Variants in NHSL1 observed in about 807,000 individuals in gnomAD.
NHSL1 encodes the protein NHS-like protein 1.
NHSL1 carries 48 observed loss-of-function variants against 95.0 expected under a neutral mutation model. The observed-to-expected ratio is 0.51, with a 90% confidence interval of 0.40 to 0.64. The LOEUF is 0.64. Among genes scored for constraint, NHSL1 ranks in the 30% least tolerant of loss-of-function variants. NHSL1 has a pLI of 0.00. For synonymous variants in NHSL1, 783 were observed against 833.9 expected, an observed-to-expected ratio of 0.94 and a Z score of 1.05; for missense variants, 1,971 against 2,077.7, an observed-to-expected ratio of 0.95 and a Z score of 1.00.
At chr6:138,568,733 G>C (rs978990843) in intron 1 of NHSL1, among the ~76,000 whole-genome samples, 29 of 152,050 alleles carry the variant, frequency 1.9e-4, no homozygotes, top group Admixed American at 1.1e-3. Context: ...TTTAAGCTGA[G>C]GAACAGTAGT....
At chr6:138,571,522 G>C in intron 1 of NHSL1, 1 of 609,002 alleles carries the variant, frequency 1.6e-6, no homozygotes, top group Non-Finnish European at 2.9e-6. Flanking sequence ...CAAGATACAA[G>C]CTCAAGCTGA....
At chr6:138,473,818 G>C (rs891073815) in intron 2 of NHSL1, among the ~76,000 whole-genome samples, 5 of 151,554 alleles carry the variant, frequency 3.3e-5, no homozygotes, top group African/African-American at 1.2e-4. Flanking sequence ...TTAGTTACCA[G>C]ATTATGTGAT....
intron 1 of NHSL1, among the ~76,000 whole-genome samples, chr6:138,630,781 G>A (rs916119043): frequency 5.3e-5 from 8 of 152,160 alleles, no homozygotes; most frequent in African/African-American, 1.9e-4. Context: ...ATATGCTTGA[G>A]CTAAGAAATT....
chr6:138,535,023 C>T (rs912852573), intron 1 of NHSL1, among the ~76,000 whole-genome samples: 3 of 152,094 alleles, frequency 2.0e-5, no homozygotes, highest in Admixed American at 6.6e-5. Flanking sequence ...ATTGCCAAGA[C>T]GAGCTTTTAC....
At chr6:138,482,351 C>G (rs1433396336) in intron 2 of NHSL1, among the ~76,000 whole-genome samples, 1 of 148,812 alleles carries the variant, frequency 6.7e-6, no homozygotes, top group Non-Finnish European at 1.5e-5. Flanking sequence ...GAGGCTGAGG[C>G]AGGAGAATTG....
At chr6:138,634,491 A>G (rs1315512597) in intron 1 of NHSL1, among the ~76,000 whole-genome samples, 1 of 152,198 alleles carries the variant, frequency 6.6e-6, no homozygotes, top group East Asian at 1.9e-4. Flanking sequence ...TAAAGGTGTC[A>G]ATTCAGCAAG....
At chr6:138,555,740 C>A (rs141297944) in intron 1 of NHSL1, among the ~76,000 whole-genome samples, 2 of 152,212 alleles carry the variant, frequency 1.3e-5, no homozygotes, top group Admixed American at 1.3e-4. Context: ...GTGACTCAGA[C>A]GCTTCCAAAA....
intron 1 of NHSL1, among the ~76,000 whole-genome samples, chr6:138,531,424 T>A (rs1782127563): frequency 1.3e-5 from 2 of 152,184 alleles, no homozygotes; most frequent in Admixed American, 1.3e-4. Context: ...AGTTTGTAAC[T>A]TTTGTAACTT....
chr6:138,502,971 C>A (rs186154421), upstream of NHSL1, among the ~76,000 whole-genome samples: 1 of 152,280 alleles, frequency 6.6e-6, no homozygotes, highest in Non-Finnish European at 1.5e-5. Flanking sequence ...GTGTAGCAGA[C>A]CCCATGGCTG....
chr6:138,424,183 G>C lies in NHSL1; in HGVS notation c.4719C>G (p.Ala1573=). 3 of 1,470,426 alleles carry C rather than the reference G, an allele frequency of 2.0e-6. No individual in the cohort carries two copies. The highest frequency in any genetic ancestry group is 2.7e-6 in the Non-Finnish European group (3 of 1,114,044). The allele number at this position is 1,470,426 out of a possible 1,614,324, so 91.1% of individuals were successfully genotyped here. A position where few individuals can be genotyped will look rare whatever the true frequency, so the allele number is the denominator to read the frequency against. The change falls in exon 8 of 8, where the codon GCC becomes GCG. Residue 1573 remains alanine (A), a synonymous_variant. Transcript: ENST00000343505. This position sits in a 1 kb window ranked among gnomAD's most constrained non-coding sequence, Gnocchi z 5.9. ...GGCCGGGGGCCTGGGGCTGCAGGGA[G>C]GCGGCAGGCCCCTCCCCACAGAGCA... ...GGLLCGEGPA[A]SLQPQAPGPV...
Position 138,626,773 on chromosome 6 carries a change from C to A in NHSL1, c.96+65703G>T, listed in dbSNP as rs62432532. 1.1e-4 allele frequency among the ~76,000 whole-genome samples: 12 copies of A among 112,570 alleles called. 2 individuals are homozygous for A. The highest frequency in any genetic ancestry group is 3.3e-4 in the South Asian group (1 of 3,046). The allele number at this position is 112,570 out of a possible 152,430, so 73.9% of individuals were successfully genotyped here. Reference sequence around the variant, plus strand: ...GCCGGGCGTAGTGGCGGGCGCCTGTCGTCCCAGCTACTTGGGAGGCTGAGG... The same window carrying A: ...GCCGGGCGTAGTGGCGGGCGCCTGTAGTCCCAGCTACTTGGGAGGCTGAGG... On this transcript the variant is annotated intron_variant, in intron 1 of 3. Transcript: ENST00000491526.
At chr6:138,448,320 G>T (rs1041273994) in intron 3 of NHSL1, among the ~76,000 whole-genome samples, 1 of 152,312 alleles carries the variant, frequency 6.6e-6, no homozygotes, top group East Asian at 1.9e-4. Context: ...ATCGACTTTC[G>T]TGGGGGAAAT....
intron 1 of NHSL1, among the ~76,000 whole-genome samples, chr6:138,675,282 T>C (rs189265466): frequency 7.0e-4 from 107 of 152,148 alleles, no homozygotes; most frequent in African/African-American, 2.5e-3. Flanking sequence ...CAAAGCACCC[T>C]AGAAACTACC....
chr6:138,611,090 G>A (rs987124030), intron 1 of NHSL1, among the ~76,000 whole-genome samples: 2 of 151,360 alleles, frequency 1.3e-5, no homozygotes, highest in Non-Finnish European at 2.9e-5. Flanking sequence ...AAAAAAAAGT[G>A]GCAAGGAGAA....
At chr6:138,499,195 G>A (rs533567412) in intron 1 of NHSL1, 38 bp downstream of exon 1, 2 of 1,331,864 alleles carry the variant, frequency 1.5e-6, no homozygotes, top group South Asian at 1.3e-5. Flanking sequence ...GGAAACATAT[G>A]CACACAATAG....
At chr6:138,481,954 CTT>C (rs1779438959) in intron 2 of NHSL1, among the ~76,000 whole-genome samples, 1 of 152,126 alleles carries the variant, frequency 6.6e-6, no homozygotes, top group African/African-American at 2.4e-5. Context: ...AAGCCCAAGA[CTT>C]TCTAAAAGTT....
chr6:138,627,892 A>T (rs940757604), intron 1 of NHSL1, among the ~76,000 whole-genome samples: 37 of 152,188 alleles, frequency 2.4e-4, no homozygotes, highest in African/African-American at 7.5e-4. Flanking sequence ...AAATAAAAAT[A>T]AAAAAAATTT....
At chr6:138,581,901 T>C (rs865996388) in intron 1 of NHSL1, among the ~76,000 whole-genome samples, 1,984 of 147,076 alleles carry the variant, frequency 0.013, 61 homozygotes, top group African/African-American at 0.047. Flanking sequence ...TTCTTTCTTT[T>C]TTTTTTTTTT....
upstream of NHSL1, among the ~76,000 whole-genome samples, chr6:138,548,605 T>TA (rs1209746847): frequency 5.9e-5 from 9 of 152,188 alleles, no homozygotes; most frequent in Admixed American, 5.9e-4. Context: ...CCCTAATAGT[T>TA]AGTCTCACAG....
Sources: gnomAD v4.1 joint callset for allele counts (sites outside exome capture counted in the v4.1 genomes callset) on GRCh38, gnomAD v4.1.1 for gene constraint, Gnocchi (gnomAD v3.1) non-coding constraint, MANE v1.5 for transcripts, NCBI Gene and HGNC (gene_info 2026-07-23, HGNC 2026-07-21) for gene names.